Variants in ITIH3 observed in about 807,000 individuals in gnomAD.
ITIH3 encodes inter-alpha-trypsin inhibitor heavy chain H3.
In ITIH3, 81 loss-of-function variants were observed where a neutral mutation model predicts 96.5. The ratio of observed to expected loss-of-function variants is 0.84; its 90% CI spans 0.70 to 1.01. The LOEUF (loss-of-function observed/expected upper bound fraction) is 1.01, where lower values mean the gene tolerates loss of function less well. Ranked by LOEUF, ITIH3 falls within the 50% of genes least tolerant of loss-of-function variation. The pLI is 0.00. For synonymous variants in ITIH3, 422 were observed against 445.2 expected, an observed-to-expected ratio of 0.95 and a Z score of 0.66; for missense variants, 1,057 against 1,139.3, an observed-to-expected ratio of 0.93 and a Z score of 1.04.
At position 52,797,876 on chromosome 3, in the gene ITIH3, C is replaced by A. The variant is rs559478524; in HGVS notation, c.609C>A (p.Phe203Leu). 1.2e-6 allele frequency: 2 copies of A among 1,610,208 alleles called. No homozygotes were observed. The highest frequency in any genetic ancestry group is 1.8e-4 in the Middle Eastern group (1 of 5,686). ...GCATGCTGGATGCTGAGGCCTCTTT[C>A]ATCACCAACGACCTCCTGGGAAGCG... The part of the protein sequence containing the change: ...GISMLDAEAS[F>L]ITNDLLGSAL... Residue 203 changes from phenylalanine to leucine, a missense_variant, in exon 6 of 22, where the codon TTC becomes TTA. By Grantham distance (22) the Phe-to-Leu change is conservative. Coordinates refer to ENST00000449956, the MANE Select transcript of ITIH3 (RefSeq NM_002217.4).
rs1213626860 is a variant in ITIH3 at position 52,799,880 on chromosome 3, AG to A, written c.1036del (p.Glu346ArgfsTer6). The A allele has an allele frequency of 1.2e-6, 2 of 1,613,912 alleles. No homozygotes were observed. Among genetic ancestry groups the A allele is most frequent in the East Asian group, 4.5e-5 (2 of 44,870 alleles). ...GTCCAGGCCACGCCCGAGAACCTCC[AG>A]GAGGCCAGGACGTTTGTGAAGAGCA... ...HLVQATPENL[Q>X]EARTFVKSME... On this transcript the variant is annotated frameshift_variant, in exon 9 of 22. Transcript: ENST00000449956. LOFTEE classifies it high-confidence loss of function.
At chr3:52,804,097 G>C in intron 14 of ITIH3, 88 bp downstream of exon 14, 1 of 1,426,640 alleles carries the variant, frequency 7.0e-7, no homozygotes, top group Non-Finnish European at 9.6e-7. Flanking sequence ...GGCCAGGCTG[G>C]GGAGACCCAG....
rs1233009469 is a variant in ITIH3 at position 52,802,944 on chromosome 3, AC to A, written c.1709+142del. ...GTGTCTGTAGAGCAGTCTGTAAGGAACCCCAGGCCGCCACTCCCCATCCTGT... is the reference window on the plus strand; with the variant it reads ...GTGTCTGTAGAGCAGTCTGTAAGGAACCCAGGCCGCCACTCCCCATCCTGT... On this transcript the variant is annotated intron_variant, in intron 13 of 21. Transcript: ENST00000449956. 8.9e-6 allele frequency: 9 copies of A among 1,010,352 alleles called. 1 individual carries two copies. In the Admixed American group the frequency reaches 2.0e-4, roughly 23 times the overall value. 62.6% of individuals were successfully genotyped at this position (1,010,352 alleles called of 1,614,324 possible).
Position 52,808,580 on chromosome 3 carries a change from G to A in ITIH3, c.2572G>A (p.Ala858Thr), listed in dbSNP as rs1455719718. The change falls in exon 22 of 22, where the codon GCC becomes ACC. Residue 858 changes from alanine (A) to threonine (T), a missense_variant. Ala to Thr is a moderately conservative substitution (Grantham distance 58, BLOSUM62 0). Coordinates refer to ENST00000449956, the MANE Select transcript of ITIH3 (RefSeq NM_002217.4). Reference protein sequence around the residue: ...RGSQKDYRKDASIGTKVVCWF... With the variant: ...RGSQKDYRKDTSIGTKVVCWF... ...CTCCCAGAAAGACTACAGAAAGGAT[G>A]CCAGCATCGGCACGAAGGTTGTCTG... is the stretch of plus-strand genomic sequence containing the variant. 9 of 1,613,878 alleles carry A rather than the reference G, an allele frequency of 5.6e-6. No individual in the cohort carries two copies. The highest frequency in any genetic ancestry group is 7.6e-6 in the Non-Finnish European group (9 of 1,179,892).
At chr3:52,795,902 T>A in intron 2 of ITIH3, 1 of 462,188 alleles carries the variant, frequency 2.2e-6, no homozygotes, top group Non-Finnish European at 3.8e-6. Flanking sequence ...TACCTGGCTC[T>A]GTGAAGCGGT....
At chr3:52,801,445 T>C (rs1353395865) in intron 11 of ITIH3, among the ~76,000 whole-genome samples, 1 of 152,204 alleles carries the variant, frequency 6.6e-6, no homozygotes, top group Non-Finnish European at 1.5e-5. Context: ...GACATTGTAT[T>C]AGTGTATGGC....
At position 52,796,805 on chromosome 3, in the gene ITIH3, A is replaced by G. The variant is rs936020681; in HGVS notation, c.348A>G (p.Glu116=). ...AGGAAGTTGCCAAGAAGCAGTATGAAAAGGCTGTGTCCCAGGGCAAGACGG... is the reference window on the plus strand; with the variant it reads ...AGGAAGTTGCCAAGAAGCAGTATGAGAAGGCTGTGTCCCAGGGCAAGACGG... ...KEKEVAKKQY[E]KAVSQGKTAG... Residue 116 remains glutamate (E), a synonymous_variant, in exon 4 of 22, where the codon GAA becomes GAG. Coordinates refer to ENST00000449956, the MANE Select transcript of ITIH3 (RefSeq NM_002217.4). The G allele has an allele frequency of 4.3e-6, 7 of 1,612,538 alleles. No homozygotes were observed. The African/African-American group carries it at 9.3e-5, about 22-fold the overall frequency.
chr3:52,797,071 C>G, intron 4 of ITIH3, 34 bp from the exon 5 acceptor site: 1 of 1,597,072 alleles, frequency 6.3e-7, no homozygotes, highest in Non-Finnish European at 8.5e-7. Flanking sequence ...CTCCTGCAGT[C>G]TTTGAGGGAG....
chr3:52,799,532 G>T (rs769812533), intron 8 of ITIH3, 44 bp downstream of exon 8: 1 of 1,411,306 alleles, frequency 7.1e-7, no homozygotes, highest in Non-Finnish European at 9.7e-7. Flanking sequence ...GGTAGTAGGG[G>T]GTGGAAGAGA....
In ITIH3 at chr3:52,797,835, G is replaced by A. The variant is rs763043771; in HGVS notation, c.568G>A (p.Glu190Lys). Residue 190 changes from glutamate (E) to lysine (K), a missense_variant, in exon 6 of 22, where the codon GAG becomes AAG. Physicochemically the swap from Glu to Lys is moderately conservative, Grantham distance 56. Transcript: ENST00000449956. ...ATTTCAGATCGAGGTAGACATCTTCGAGCCTCAGGGAATCAGCATGCTGGA... is the reference window on the plus strand; with the variant it reads ...ATTTCAGATCGAGGTAGACATCTTCAAGCCTCAGGGAATCAGCATGCTGGA... ...KHFEIEVDIF[E>K]PQGISMLDAE... 8.7e-6 allele frequency: 14 copies of A among 1,606,182 alleles called. No individual in the cohort carries two copies. The South Asian group carries it at 1.1e-4, about 13-fold the overall frequency.
Position 52,807,620 on chromosome 3 carries a change from T to C in ITIH3, c.2262-127T>C, listed in dbSNP as rs898504694. On this transcript the variant is annotated intron_variant, in intron 19 of 21. Transcript: ENST00000449956. The stretch of plus-strand genomic sequence containing the variant: ...CATCCTCTTTCCAACGCCCCTGAGA[T>C]AGTTTCTGGAGTCTGTGGGCCCTCG... 103 of 788,998 alleles carry C rather than the reference T, an allele frequency of 1.3e-4. No homozygotes were observed. The East Asian group carries it at 2.7e-3, about 21-fold the overall frequency. 48.9% of individuals were successfully genotyped at this position (788,998 alleles called of 1,614,324 possible). A position where few individuals can be genotyped will look rare whatever the true frequency, so the allele number is the denominator to read the frequency against.
intron 13 of ITIH3, 64 bp from the exon 14 acceptor site, chr3:52,803,791 G>C: frequency 6.3e-7 from 1 of 1,579,514 alleles, no homozygotes. Context: ...CACTGCTCCA[G>C]TGCAGGGGAA....
rs919559028 is a variant in ITIH3 at position 52,797,005 on chromosome 3, A to G, written c.387-100A>G. 8.7e-5 allele frequency: 122 copies of G among 1,405,154 alleles called. 1 individual carries two copies. In the Admixed American group the frequency reaches 2.2e-3, roughly 26 times the overall value. 87.0% of individuals were successfully genotyped at this position (1,405,154 alleles called of 1,614,324 possible). ...GAGGCAAGTGAGGCTCAGAATGGTT[A>G]GGGATCTCCCTCGCCAAAGGGCTGG... On this transcript the variant is annotated intron_variant, in intron 4 of 21. Transcript: ENST00000449956.
At chr3:52,806,594 T>C (rs1700059278) in intron 18 of ITIH3, among the ~76,000 whole-genome samples, 188 bp downstream of exon 18, 1 of 152,158 alleles carries the variant, frequency 6.6e-6, no homozygotes, top group African/African-American at 2.4e-5. Flanking sequence ...CCAGTGCTAT[T>C]GGGAGATGAT....
intron 3 of ITIH3, 44 bp downstream of exon 3, chr3:52,796,691 G>A: frequency 6.2e-7 from 1 of 1,605,792 alleles, no homozygotes. Context: ...GGGAACAGGG[G>A]GTCTGGCCCA....
At chr3:52,805,760 G>C in intron 15 of ITIH3, 48 bp from the exon 16 acceptor site, 1 of 1,611,662 alleles carries the variant, frequency 6.2e-7, no homozygotes, top group East Asian at 2.2e-5. Flanking sequence ...GGGGCTGGGG[G>C]AGAAGGAACC....
chr3:52,801,116 T>TG lies in ITIH3; in HGVS notation c.1354dup (p.Glu452GlyfsTer4), dbSNP rs1559471923. 6.3e-7 allele frequency: 1 copy of TG among 1,592,252 alleles called. No individual in the cohort carries two copies. On this transcript the variant is annotated frameshift_variant, in exon 11 of 22. Coordinates refer to ENST00000449956, the MANE Select transcript of ITIH3 (RefSeq NM_002217.4). LOFTEE classifies it high-confidence loss of function. ...ACCATGGGTTTGCCCGGCGCATTTA[T>TG]GAGGACTCTGATGCCGATTTGCAGT...
chr3:52,795,306 T>G (rs560091671), intron 1 of ITIH3, among the ~76,000 whole-genome samples: 1 of 152,048 alleles, frequency 6.6e-6, no homozygotes, highest in Non-Finnish European at 1.5e-5. Flanking sequence ...GAATGGGAGA[T>G]AGAATGAGGT....
intron 9 of ITIH3, 84 bp from the exon 10 acceptor site, chr3:52,800,454 T>C (rs917876303): frequency 1.3e-5 from 19 of 1,505,224 alleles, no homozygotes; most frequent in Non-Finnish European, 1.5e-5. Flanking sequence ...TGGGGCCGGC[T>C]GTCCCGGCCT....
Sources: allele counts gnomAD v4.1 joint callset (sites outside exome capture counted in the v4.1 genomes callset), GRCh38; gene constraint gnomAD v4.1.1; transcripts MANE v1.5; gene names NCBI Gene and HGNC (gene_info 2026-07-23, HGNC 2026-07-21).